STXBP3: variants seen among roughly 807,000 people sequenced by gnomAD.
STXBP3 encodes syntaxin-binding protein 3.
In STXBP3, 41 loss-of-function variants were observed where a neutral mutation model predicts 85.7. The ratio of observed to expected loss-of-function variants is 0.48; its 90% CI spans 0.37 to 0.62. The LOEUF is 0.62. STXBP3 is among the 20% of genes least tolerant of loss of function. The probability of loss-of-function intolerance (pLI) is 0.00; values close to 1 mark genes in which losing one functional copy is unlikely to be tolerated. For missense variants in STXBP3, 563 were observed against 703.1 expected (o/e 0.80, Z 2.25); for synonymous variants, 229 against 231.7 (o/e 0.99, Z 0.10).
intron 1 of STXBP3, among the ~76,000 whole-genome samples, chr1:108,747,550 G>C (rs1022818075): frequency 8.5e-5 from 13 of 152,162 alleles, no homozygotes; most frequent in African/African-American, 3.1e-4. Context: ...TGGCAGGTTA[G>C]AGAAAGAATG....
chr1:108,772,445 TATA>T (rs1489148303), intron 6 of STXBP3, among the ~76,000 whole-genome samples: 4 of 140,210 alleles, frequency 2.9e-5, no homozygotes, highest in East Asian at 4.0e-4. Flanking sequence ...TATCTATCTG[TATA>T]ATATATAAAT....
At chr1:108,763,518 A>T (rs72980794) in intron 6 of STXBP3, among the ~76,000 whole-genome samples, 2,278 of 152,278 alleles carry the variant, frequency 0.015, 66 homozygotes, top group African/African-American at 0.052. Context: ...GCAGATGGTA[A>T]CTCTAATAAG....
At chr1:108,798,388 C>T (rs1315781432) in intron 16 of STXBP3, 151 bp downstream of exon 16, 2 of 305,778 alleles carry the variant, frequency 6.5e-6, no homozygotes, top group Non-Finnish European at 1.2e-5. Context: ...ATCTGGGAAA[C>T]TCTTGAAGAT....
At chr1:108,763,514 G>A (rs1458576268) in intron 6 of STXBP3, among the ~76,000 whole-genome samples, 2 of 152,064 alleles carry the variant, frequency 1.3e-5, no homozygotes, top group Non-Finnish European at 2.9e-5. Flanking sequence ...TAAGGCAGAT[G>A]GTAACTCTAA....
chr1:108,796,520 T>G, intron 14 of STXBP3, 100 bp from the exon 15 acceptor site: 1 of 1,246,320 alleles, frequency 8.0e-7, no homozygotes, highest in Non-Finnish European at 1.1e-6. Flanking sequence ...ATTTGACTGT[T>G]TTTTATTTTA....
At chr1:108,755,800 G>T (rs1482875311) in intron 3 of STXBP3, among the ~76,000 whole-genome samples, 2 of 152,058 alleles carry the variant, frequency 1.3e-5, no homozygotes, top group East Asian at 3.9e-4. Context: ...TGAGAATGAA[G>T]ATAAAAAGAT....
At chr1:108,754,313 G>A (rs1279495336) in intron 3 of STXBP3, among the ~76,000 whole-genome samples, 1 of 152,136 alleles carries the variant, frequency 6.6e-6, no homozygotes, top group African/African-American at 2.4e-5. Context: ...TGGGATTACA[G>A]GTGTAAGCCA....
chr1:108,802,217 T>A (rs1643198094), intron 17 of STXBP3, among the ~76,000 whole-genome samples: 1 of 151,938 alleles, frequency 6.6e-6, no homozygotes. Flanking sequence ...ATCAACATAG[T>A]GAAACCCCAT....
chr1:108,782,406 T>G lies in STXBP3; in HGVS notation c.810-16T>G. On this transcript the variant is annotated splice_polypyrimidine_tract_variant and intron_variant, in intron 9 of 18. Transcript: ENST00000370008. Reference sequence around the variant, plus strand: ...GAAAAAAATCAAAAAGTTTTAGTGCTTCTGTCTACTTGTAGATATAAAACA... The same window carrying G: ...GAAAAAAATCAAAAAGTTTTAGTGCGTCTGTCTACTTGTAGATATAAAACA... 6.4e-7 allele frequency: 1 copy of G among 1,572,262 alleles called. No individual in the cohort carries two copies. Among genetic ancestry groups the G allele is most frequent in the South Asian group, 1.2e-5 (1 of 85,468 alleles).
At chr1:108,753,571 A>G (rs977212953) in intron 3 of STXBP3, among the ~76,000 whole-genome samples, 3 of 152,124 alleles carry the variant, frequency 2.0e-5, no homozygotes, top group African/African-American at 7.2e-5. Context: ...TCGTAAATTT[A>G]TCTTTATTAC....
chr1:108,774,825 G>C (rs1662552075), intron 7 of STXBP3, among the ~76,000 whole-genome samples: 1 of 151,778 alleles, frequency 6.6e-6, no homozygotes, highest in Non-Finnish European at 1.5e-5. Context: ...CTCCTGTTAA[G>C]GGTTTAGTAA....
chr1:108,756,670 A>G lies in STXBP3; in HGVS notation c.182-20A>G, dbSNP rs1662027414. 6.8e-7 allele frequency: 1 copy of G among 1,475,184 alleles called. No homozygotes were observed. Among genetic ancestry groups the G allele is most frequent in the African/African-American group, 1.4e-5 (1 of 70,738 alleles). 91.4% of individuals were successfully genotyped at this position (1,475,184 alleles called of 1,614,324 possible). On this transcript the variant is annotated intron_variant, in intron 3 of 18. Coordinates refer to ENST00000370008, the MANE Select transcript of STXBP3 (RefSeq NM_007269.4). ...GTATATAAATATTTGGTTATATAAA[A>G]TGACCTTTTTTCTTGTTAGTTGTAG...
intron 7 of STXBP3, among the ~76,000 whole-genome samples, chr1:108,774,024 T>C (rs185308979): frequency 6.6e-6 from 1 of 152,236 alleles, no homozygotes; most frequent in Non-Finnish European, 1.5e-5. Flanking sequence ...TCCCGTCCCT[T>C]TTCTTCCCTA....
rs752236976 is a variant in STXBP3 at position 108,782,381 on chromosome 1, GA to G, written c.810-34del. 1.0e-5 allele frequency: 15 copies of G among 1,447,184 alleles called. No homozygotes were observed. The East Asian group carries it at 2.7e-4, about 26-fold the overall frequency. The allele number at this position is 1,447,184 out of a possible 1,614,324, so 89.6% of individuals were successfully genotyped here. A position where few individuals can be genotyped will look rare whatever the true frequency, so the allele number is the denominator to read the frequency against. ...AAAATGTTTCTTTTGATTTTGGAGG[GA>G]AAAAAATCAAAAAGTTTTAGTGCTT... On this transcript the variant is annotated intron_variant, in intron 9 of 18. Coordinates refer to ENST00000370008, the MANE Select transcript of STXBP3 (RefSeq NM_007269.4).
chr1:108,771,613 T>G (rs1182358573), intron 6 of STXBP3, among the ~76,000 whole-genome samples: 1 of 69,006 alleles, frequency 1.4e-5, no homozygotes, highest in East Asian at 3.3e-4. Flanking sequence ...ATATATATGA[T>G]ATATATCTAT....
chr1:108,748,644 C>T (rs1557797896), intron 1 of STXBP3, among the ~76,000 whole-genome samples: 1 of 152,064 alleles, frequency 6.6e-6, no homozygotes, highest in Non-Finnish European at 1.5e-5. Flanking sequence ...CCAGCCTGAG[C>T]AACATGGTGA....
chr1:108,791,772 C>T (rs1046139378), intron 11 of STXBP3, among the ~76,000 whole-genome samples: 1 of 152,088 alleles, frequency 6.6e-6, no homozygotes, highest in African/African-American at 2.4e-5. Flanking sequence ...TGTCATCACC[C>T]CCCAAAATGT....
intron 9 of STXBP3, chr1:108,780,033 CA>C: frequency 6.6e-6 from 1 of 152,216 alleles, no homozygotes; most frequent in South Asian, 2.1e-4. Flanking sequence ...GTGTTACATA[CA>C]TTACAAATGT....
At chr1:108,768,762 T>C (rs1759494) in intron 6 of STXBP3, among the ~76,000 whole-genome samples, 33,083 of 152,030 alleles carry the variant, frequency 0.22, 3,889 homozygotes, top group Non-Finnish European at 0.26. Flanking sequence ...AAGTCAGATA[T>C]GATAGTGCTT....
Sources: allele counts gnomAD v4.1 joint callset (sites outside exome capture counted in the v4.1 genomes callset), GRCh38; gene constraint gnomAD v4.1.1; transcripts MANE v1.5; gene names NCBI Gene and HGNC (gene_info 2026-07-23, HGNC 2026-07-21).